The following CNTN3 variants were observed in gnomAD, a reference collection of about 807,000 sequenced individuals.
CNTN3 encodes contactin-3.
In CNTN3, 60 loss-of-function variants were observed where a neutral mutation model predicts 119.1. That is an observed-to-expected ratio of 0.50 (90% CI 0.41 to 0.62). CNTN3 has a LOEUF of 0.62. Among genes scored for constraint, CNTN3 ranks in the 20% least tolerant of loss-of-function variants. The pLI, the probability that CNTN3 is intolerant of heterozygous loss-of-function variation, is 0.00. For missense variants in CNTN3, 1,101 were observed against 1,242.4 expected (o/e 0.89, Z 1.71); for synonymous variants, 450 against 438.7 (o/e 1.03, Z -0.32).
At chr3:74,465,437 T>TA (rs1702444662) in intron 4 of CNTN3, among the ~76,000 whole-genome samples, 2 of 152,070 alleles carry the variant, frequency 1.3e-5, no homozygotes, top group African/African-American at 4.8e-5. Flanking sequence ...CCATAAAAGG[T>TA]AAAAACAGAA....
intron 11 of CNTN3, among the ~76,000 whole-genome samples, chr3:74,361,659 G>T (rs1422269963): frequency 3.3e-5 from 5 of 152,138 alleles, no homozygotes; most frequent in African/African-American, 4.8e-5. Flanking sequence ...CTTGTTAAGA[G>T]AAAGTACTCT....
At chr3:74,288,154 C>CTTTTTTTTTTTTTTTTT (rs1299127961) in intron 19 of CNTN3, among the ~76,000 whole-genome samples, 16 of 88,270 alleles carry the variant, frequency 1.8e-4, no homozygotes, top group East Asian at 1.5e-3. Flanking sequence ...CTTTTCTTTT[C>CTTTTTTTTTTTTTTTTT]TTTTCTTTTT....
At chr3:74,528,867 C>T (rs1703656137) in intron 1 of CNTN3, among the ~76,000 whole-genome samples, 1 of 151,894 alleles carries the variant, frequency 6.6e-6, no homozygotes, top group African/African-American at 2.4e-5. Context: ...AGCACATGCA[C>T]TGCAGTAATG....
At chr3:74,594,273 CTTTTTTT>C (rs59436860) in intron 1 of CNTN3, among the ~76,000 whole-genome samples, 45 of 112,090 alleles carry the variant, frequency 4.0e-4, no homozygotes, top group African/African-American at 1.3e-3. Flanking sequence ...TTCTTTTTTT[CTTTTTTT>C]TTTTTTTTTT....
At chr3:74,486,419 AAT>A in intron 4 of CNTN3, 35 bp downstream of exon 4, 1 of 1,535,816 alleles carries the variant, frequency 6.5e-7, no homozygotes, top group Non-Finnish European at 8.8e-7. Flanking sequence ...CATATTTTCT[AAT>A]GTTGGATTTG....
intron 1 of CNTN3, among the ~76,000 whole-genome samples, chr3:74,586,508 T>A (rs866407816): frequency 6.6e-6 from 1 of 152,150 alleles, no homozygotes; most frequent in African/African-American, 2.4e-5. Context: ...GATTGCTTTA[T>A]AATTTATAGA....
Position 74,376,973 on chromosome 3 carries a change from T to C in CNTN3, c.455-5574A>G, listed in dbSNP as rs963817826. Among the ~76,000 whole-genome samples the C allele has an allele frequency of 4.6e-5, 7 of 151,856 alleles. No homozygotes were observed. The South Asian group carries it at 8.3e-4, about 18-fold the overall frequency. ...AAAAAAAATTAAAGAAAGGCTGTAA[T>C]TGGAAAGCCTCAAGAAGAATCAGAT... is the stretch of plus-strand genomic sequence containing the variant. On this transcript the variant is annotated intron_variant, in intron 5 of 22. Coordinates refer to ENST00000263665, the MANE Select transcript of CNTN3 (RefSeq NM_020872.3).
chr3:74,370,006 T>C lies in CNTN3; in HGVS notation c.659-15A>G. On this transcript the variant is annotated splice_polypyrimidine_tract_variant and intron_variant, in intron 6 of 22. Coordinates refer to ENST00000263665, the MANE Select transcript of CNTN3 (RefSeq NM_020872.3). ...ACCCATCACACCTATAAATCCACAA[T>C]ATAAAGTTAATCGTTTCAATATTTC... is the stretch of plus-strand genomic sequence containing the variant. The C allele has an allele frequency of 7.3e-7, 1 of 1,364,288 alleles. No individual in the cohort carries two copies. The highest frequency in any genetic ancestry group is 1.0e-6 in the Non-Finnish European group (1 of 970,120). 84.5% of individuals were successfully genotyped at this position (1,364,288 alleles called of 1,614,324 possible). A position where few individuals can be genotyped will look rare whatever the true frequency, so the allele number is the denominator to read the frequency against.
intron 1 of CNTN3, among the ~76,000 whole-genome samples, chr3:74,609,826 G>A (rs11920939): frequency 0.011 from 1,659 of 152,240 alleles, 31 homozygotes; most frequent in African/African-American, 0.038. Context: ...AATAGATGTG[G>A]TAACTGCTTA....
At chr3:74,337,360 A>G (rs1703422477) in intron 11 of CNTN3, among the ~76,000 whole-genome samples, 2 of 152,112 alleles carry the variant, frequency 1.3e-5, no homozygotes, top group Admixed American at 6.6e-5. Context: ...GCAACACAAA[A>G]AGTCTCCACC....
At chr3:74,465,846 C>CCT (rs1190017121) in intron 4 of CNTN3, among the ~76,000 whole-genome samples, 1 of 152,150 alleles carries the variant, frequency 6.6e-6, no homozygotes, top group East Asian at 1.9e-4. Flanking sequence ...GTTCCTGTCT[C>CCT]CTGAGACTGC....
intron 5 of CNTN3, among the ~76,000 whole-genome samples, chr3:74,381,417 TC>T (rs1704621710): frequency 6.6e-6 from 1 of 152,026 alleles, no homozygotes; most frequent in South Asian, 2.1e-4. Context: ...AAATCAATAA[TC>T]AAAAGTAATC....
intron 17 of CNTN3, among the ~76,000 whole-genome samples, chr3:74,299,202 T>C (rs1702404597): frequency 6.6e-6 from 1 of 151,412 alleles, no homozygotes; most frequent in South Asian, 2.1e-4. Context: ...AGCAAGACTG[T>C]CTCAAAAAAA....
At chr3:74,351,671 C>G (rs1369001624) in intron 11 of CNTN3, among the ~76,000 whole-genome samples, 1 of 152,162 alleles carries the variant, frequency 6.6e-6, no homozygotes, top group African/African-American at 2.4e-5. Context: ...AATAATGATA[C>G]AAATACCCAC....
intron 4 of CNTN3, among the ~76,000 whole-genome samples, chr3:74,453,752 T>C (rs1237446482): frequency 4.0e-5 from 6 of 151,642 alleles, no homozygotes; most frequent in Non-Finnish European, 8.8e-5. Context: ...CATCTTTATT[T>C]CTGCCTTCAT....
At chr3:74,395,189 T>C (rs1048803942) in intron 5 of CNTN3, among the ~76,000 whole-genome samples, 4 of 152,276 alleles carry the variant, frequency 2.6e-5, no homozygotes, top group African/African-American at 9.6e-5. Context: ...TTCCTCTCTG[T>C]GTTCCCAGAG....
chr3:74,434,336 T>A (rs970845793), intron 4 of CNTN3, among the ~76,000 whole-genome samples: 1 of 152,254 alleles, frequency 6.6e-6, no homozygotes, highest in Non-Finnish European at 1.5e-5. Context: ...CAAGGTTTCA[T>A]TTTTCCTTTT....
chr3:74,297,927 G>A (rs373461221), intron 18 of CNTN3, 30 bp downstream of exon 18: 96 of 1,495,658 alleles, frequency 6.4e-5, no homozygotes, highest in Middle Eastern at 3.5e-4. Context: ...ATTATTAGGC[G>A]GAACTGATAT....
At chr3:74,572,289 C>T (rs2121801) in intron 1 of CNTN3, among the ~76,000 whole-genome samples, 120,901 of 152,034 alleles carry the variant, frequency 0.8, 48,170 homozygotes, top group African/African-American at 0.82. Context: ...AATTGCACTT[C>T]CAAATATCTA....
Sources: gnomAD v4.1 joint callset for allele counts (sites outside exome capture counted in the v4.1 genomes callset) on GRCh38, gnomAD v4.1.1 for gene constraint, MANE v1.5 for transcripts, NCBI Gene and HGNC (gene_info 2026-07-23, HGNC 2026-07-21) for gene names.